The following THSD7B variants were observed in gnomAD, a reference collection of about 807,000 sequenced individuals.
THSD7B encodes the protein thrombospondin type 1 domain containing 7B, also known as thrombospondin type-1 domain-containing protein 7B.
Under a neutral mutation model 213.6 loss-of-function variants are expected in THSD7B, and 138 were observed. The observed-to-expected ratio is 0.65, with a 90% CI of 0.56 to 0.74. The LOEUF is 0.74. THSD7B is among the 30% of genes least tolerant of loss of function. The pLI, the probability that THSD7B is intolerant of heterozygous loss-of-function variation, is 0.00. For missense variants in THSD7B, 1,931 were observed against 1,991.5 expected (o/e 0.97, Z 0.58); for synonymous variants, 742 against 687.0 (o/e 1.08, Z -1.25).
chr2:137,425,308 G>A (rs750361037), intron 14 of THSD7B, among the ~76,000 whole-genome samples: 26 of 151,544 alleles, frequency 1.7e-4, no homozygotes, highest in Non-Finnish European at 2.1e-4. Context: ...CCTCCACCTC[G>A]CAGGTTCAAG....
rs542905640 is a variant in THSD7B, at chr2:137,363,755, C to A, written c.2501-41858C>A. Among the ~76,000 whole-genome samples, 21 of 152,218 alleles carry A rather than the reference C, an allele frequency of 1.4e-4. No individual in the cohort carries two copies. In the South Asian group the frequency reaches 4.3e-3, roughly 32 times the overall value. On this transcript the variant is annotated intron_variant, in intron 12 of 27. Coordinates refer to ENST00000409968, the MANE Select transcript of THSD7B (RefSeq NM_001316349.2). Reference sequence around the variant, plus strand: ...ATTGAGGCAATAACCAATAGCATACCAACCAAAAAGAGTCCAAGACCAGAC... The same window carrying A: ...ATTGAGGCAATAACCAATAGCATACAAACCAAAAAGAGTCCAAGACCAGAC...
At chr2:137,159,637 T>A (rs1679975855) in intron 5 of THSD7B, among the ~76,000 whole-genome samples, 1 of 152,064 alleles carries the variant, frequency 6.6e-6, no homozygotes, top group Admixed American at 6.5e-5. Flanking sequence ...AAGAGGACAT[T>A]TGGGCCTCTG....
At chr2:137,139,645 C>T (rs893643373) in intron 5 of THSD7B, among the ~76,000 whole-genome samples, 1 of 152,068 alleles carries the variant, frequency 6.6e-6, no homozygotes, top group South Asian at 2.1e-4. Context: ...AGCCATTGGG[C>T]CAGGATTTTT....
At chr2:137,022,337 A>G (rs997142859) in intron 2 of THSD7B, among the ~76,000 whole-genome samples, 2 of 152,150 alleles carry the variant, frequency 1.3e-5, no homozygotes, top group South Asian at 4.1e-4. Context: ...CTGCATCTTT[A>G]CAAGCATTTA....
At chr2:137,070,540 T>A (rs991989444) in intron 3 of THSD7B, among the ~76,000 whole-genome samples, 5 of 150,498 alleles carry the variant, frequency 3.3e-5, no homozygotes, top group East Asian at 2.0e-4. Flanking sequence ...TTCTCTTTTT[T>A]AAAATTTTTT....
Position 137,661,097 on chromosome 2 carries a change from C to T in THSD7B, c.4458+1351C>T, listed in dbSNP as rs369610957. On this transcript the variant is annotated intron_variant, in intron 25 of 27. Coordinates refer to ENST00000409968, the MANE Select transcript of THSD7B (RefSeq NM_001316349.2). ...AGATAAATAGCTTTAGGTAAGGAGC[C>T]ATAAGAGCGAAGTCATAGAGATTCA... is the stretch of plus-strand genomic sequence containing the variant. Among the ~76,000 whole-genome samples, 136 of 152,216 alleles carry T rather than the reference C, an allele frequency of 8.9e-4. 3 individuals are homozygous for T. The South Asian group carries it at 0.025, about 28-fold the overall frequency.
intron 12 of THSD7B, among the ~76,000 whole-genome samples, chr2:137,329,996 A>G (rs1391682167): frequency 6.6e-6 from 1 of 152,200 alleles, no homozygotes; most frequent in Non-Finnish European, 1.5e-5. Context: ...TGCTCCAGGC[A>G]TGGCTAAAAG....
chr2:136,886,824 T>C (rs981178816), intron 2 of THSD7B, among the ~76,000 whole-genome samples: 2 of 152,112 alleles, frequency 1.3e-5, no homozygotes, highest in Non-Finnish European at 1.5e-5. Flanking sequence ...GCACTCAGAA[T>C]TGGGCATGCT....
intron 2 of THSD7B, among the ~76,000 whole-genome samples, chr2:136,907,507 T>C (rs1684185095): frequency 6.6e-6 from 1 of 152,170 alleles, no homozygotes; most frequent in African/African-American, 2.4e-5. Flanking sequence ...TCACAGGAAT[T>C]TGATAGCCAA....
intron 3 of THSD7B, among the ~76,000 whole-genome samples, chr2:137,076,826 T>A (rs543979385): frequency 5.9e-5 from 9 of 152,310 alleles, no homozygotes; most frequent in East Asian, 3.9e-4. Flanking sequence ...TGTTTTTTTT[T>A]AATCTTTTTT....
chr2:136,890,357 T>C (rs369033662), intron 2 of THSD7B, among the ~76,000 whole-genome samples: 1,161 of 6,092 alleles, frequency 0.19, 18 homozygotes, highest in Middle Eastern at 0.5. Context: ...TTCTTCTTCT[T>C]CTTCTTCTTC....
intron 15 of THSD7B, among the ~76,000 whole-genome samples, chr2:137,546,459 ATATAAT>A (rs1680735247): frequency 4.3e-5 from 1 of 23,196 alleles, no homozygotes; most frequent in Non-Finnish European, 6.7e-5. Context: ...TATATATTAT[ATATAAT>A]ATATATATAT....
intron 15 of THSD7B, among the ~76,000 whole-genome samples, chr2:137,499,256 G>C (rs1231087735): frequency 2.6e-5 from 4 of 152,146 alleles, no homozygotes; most frequent in Non-Finnish European, 5.9e-5. Flanking sequence ...ACAGTGTACA[G>C]TTCCTCTTTT....
chr2:137,281,409 T>A (rs190034053), intron 12 of THSD7B, among the ~76,000 whole-genome samples: 230 of 151,914 alleles, frequency 1.5e-3, no homozygotes, highest in African/African-American at 4.5e-3. Flanking sequence ...TTTCTTATTT[T>A]TTATTATTAT....
At chr2:137,435,317 T>C (rs1347631375) in intron 14 of THSD7B, among the ~76,000 whole-genome samples, 1 of 152,224 alleles carries the variant, frequency 6.6e-6, no homozygotes, top group Admixed American at 6.5e-5. Flanking sequence ...ACTTTGCTTA[T>C]GTTATTTCAT....
intron 9 of THSD7B, among the ~76,000 whole-genome samples, chr2:137,239,288 C>G (rs1229454179): frequency 1.3e-5 from 2 of 152,160 alleles, no homozygotes; most frequent in African/African-American, 4.8e-5. Flanking sequence ...TATAGCACAA[C>G]CACTTTTTAA....
chr2:137,056,123 T>C (rs1429598551), intron 2 of THSD7B, among the ~76,000 whole-genome samples: 3 of 152,218 alleles, frequency 2.0e-5, no homozygotes, highest in African/African-American at 4.8e-5. Flanking sequence ...TTGTATCATT[T>C]ATCTTCAGAG....
At position 136,914,846 on chromosome 2, in the gene THSD7B, T is replaced by A. The variant is rs78383510; in HGVS notation, c.139+32529T>A. Reference sequence around the variant, plus strand: ...ACTGCATCATAAGACAGAATTAAAATGAATTATGTGAAATGTTGTGATCAG... The same window carrying A: ...ACTGCATCATAAGACAGAATTAAAAAGAATTATGTGAAATGTTGTGATCAG... On this transcript the variant is annotated intron_variant, in intron 2 of 27. Transcript: ENST00000409968. 7.6e-3 allele frequency among the ~76,000 whole-genome samples: 1,161 copies of A among 152,296 alleles called. 35 individuals carry two copies. Among genetic ancestry groups the A allele is most frequent in the East Asian group, 0.075 (388 of 5,180 alleles).
chr2:137,510,997 T>C (rs556741218), intron 15 of THSD7B, among the ~76,000 whole-genome samples: 1 of 152,298 alleles, frequency 6.6e-6, no homozygotes, highest in African/African-American at 2.4e-5. Flanking sequence ...TTGCCCATTT[T>C]AGTTAAAATA....
Sources: allele counts gnomAD v4.1 joint callset (sites outside exome capture counted in the v4.1 genomes callset), GRCh38; gene constraint gnomAD v4.1.1; transcripts MANE v1.5; gene names NCBI Gene and HGNC (gene_info 2026-07-23, HGNC 2026-07-21).